The following SPATA31F1 variants were observed in gnomAD, a reference collection of about 807,000 sequenced individuals.
The protein encoded by SPATA31F1 is protein SPATA31F1.
chr9:34,728,576 G>A, the SPATA31F1 span: 2 of 1,547,208 alleles, frequency 1.3e-6, no homozygotes, highest in Admixed American at 2.0e-5. Context: ...CACCCACAGT[G>A]GAAGGGAGTC....
At chr9:34,727,894 T>A in the SPATA31F1 span, 4 of 815,236 alleles carry the variant, frequency 4.9e-6, no homozygotes, top group Non-Finnish European at 7.5e-6. Context: ...TCACCCAGTG[T>A]CCCTGCTTCC....
the SPATA31F1 span, chr9:34,724,448 T>G: frequency 1.0e-5 from 16 of 1,551,540 alleles, no homozygotes; most frequent in Middle Eastern, 3.3e-4. Flanking sequence ...GTTTAGACTT[T>G]CAAGAGACTT....
the SPATA31F1 span, chr9:34,723,319 G>C: frequency 6.4e-7 from 1 of 1,551,744 alleles, no homozygotes; most frequent in South Asian, 1.2e-5. Context: ...CTGAGGCAGA[G>C]CCAGGTTGTC....
At chr9:34,724,352 T>G in the SPATA31F1 span, 2 of 1,551,180 alleles carry the variant, frequency 1.3e-6, no homozygotes, top group African/African-American at 2.7e-5. Flanking sequence ...GGCCAGCTGT[T>G]CTTTAAGGTG....
chr9:34,726,114 C>G, the SPATA31F1 span: 1 of 1,467,324 alleles, frequency 6.8e-7, no homozygotes, highest in Admixed American at 2.1e-5. Context: ...GTGGACCATT[C>G]AGAAACCCAG....
chr9:34,727,941 C>T, the SPATA31F1 span: 2 of 1,328,016 alleles, frequency 1.5e-6, no homozygotes, highest in African/African-American at 2.9e-5. Context: ...TATCTTTCTC[C>T]TTAGTCCTGC....
the SPATA31F1 span, chr9:34,723,235 G>C: frequency 1.9e-6 from 3 of 1,551,356 alleles, no homozygotes; most frequent in Non-Finnish European, 1.7e-6. Flanking sequence ...TCAGGAGCTA[G>C]GTTGGGTGCC....
At chr9:34,728,505 C>T in the SPATA31F1 span, 5 of 1,113,078 alleles carry the variant, frequency 4.5e-6, no homozygotes, top group Non-Finnish European at 6.5e-6. Flanking sequence ...CTGGAGTCTT[C>T]AGTGGCAGAG....
chr9:34,727,162 G>C, the SPATA31F1 span, among the ~76,000 whole-genome samples: 1 of 152,252 alleles, frequency 6.6e-6, no homozygotes, highest in Non-Finnish European at 1.5e-5. Context: ...GCAAGGTGTG[G>C]TGGGCTGGGC....
At chr9:34,728,591 G>T in the SPATA31F1 span, 2 of 1,549,574 alleles carry the variant, frequency 1.3e-6, no homozygotes, top group Non-Finnish European at 1.7e-6. Context: ...GGAGTCAGAG[G>T]AGAGATTGGG....
the SPATA31F1 span, chr9:34,729,355 T>C: frequency 6.4e-7 from 1 of 1,551,700 alleles, no homozygotes; most frequent in Non-Finnish European, 8.7e-7. Context: ...ATAATTACAA[T>C]AACGATGAAG....
the SPATA31F1 span, chr9:34,729,478 AG>A: frequency 1.3e-5 from 19 of 1,516,066 alleles, no homozygotes; most frequent in Non-Finnish European, 1.7e-5. Context: ...CTCGGAATTC[AG>A]GGTTCTGGTG....
the SPATA31F1 span, chr9:34,723,213 C>G: frequency 1.3e-6 from 2 of 1,547,012 alleles, no homozygotes; most frequent in South Asian, 2.4e-5. Context: ...ATGTTTCTAT[C>G]TGAGGTGAGG....
At chr9:34,726,649 G>C in the SPATA31F1 span, 1 of 1,551,844 alleles carries the variant, frequency 6.4e-7, no homozygotes, top group Non-Finnish European at 8.7e-7. Flanking sequence ...GATCAGCCCA[G>C]TAATCTTGTA....
At chr9:34,723,394 C>G in the SPATA31F1 span, 155 of 1,551,622 alleles carry the variant, frequency 1.0e-4, no homozygotes, top group Middle Eastern at 1.7e-4. Flanking sequence ...GGCCCACCAG[C>G]TTCTGAGCAG....
the SPATA31F1 span, chr9:34,723,485 T>G: frequency 6.4e-7 from 1 of 1,551,836 alleles, no homozygotes; most frequent in Non-Finnish European, 8.7e-7. Flanking sequence ...AGCCAGGCTC[T>G]TTGCAACATT....
chr9:34,726,520 G>A, the SPATA31F1 span: 2 of 1,551,760 alleles, frequency 1.3e-6, no homozygotes, highest in Non-Finnish European at 1.7e-6. Context: ...GGCTGGGGTT[G>A]CTCTGCGTCA....
At chr9:34,724,093 C>T in the SPATA31F1 span, 46 of 1,527,462 alleles carry the variant, frequency 3.0e-5, no homozygotes, top group African/African-American at 5.0e-4. Context: ...CCTCTGGGTC[C>T]TCTCTGTTTC....
chr9:34,726,664 A>G, the SPATA31F1 span: 1 of 1,551,676 alleles, frequency 6.4e-7, no homozygotes, highest in South Asian at 1.2e-5. Context: ...CTTGTATGCC[A>G]TCTGCATACG....
Sources: allele counts gnomAD v4.1 joint callset (sites outside exome capture counted in the v4.1 genomes callset), GRCh38; gene constraint gnomAD v4.1.1; transcripts MANE v1.5; gene names NCBI Gene and HGNC (gene_info 2026-07-23, HGNC 2026-07-21).